STX8: variants seen among roughly 807,000 people sequenced by gnomAD.
STX8 encodes syntaxin 8.
In STX8, 23 loss-of-function variants were observed where a neutral mutation model predicts 37.5. The observed-to-expected ratio is 0.61, with a 90% CI of 0.44 to 0.87. STX8 has a LOEUF of 0.87. Among genes scored for constraint, STX8 ranks in the 40% least tolerant of loss-of-function variants. The pLI, the probability that STX8 is intolerant of heterozygous loss-of-function variation, is 0.00. For synonymous variants in STX8, 115 were observed against 99.1 expected, an observed-to-expected ratio of 1.16 and a Z score of -0.95; for missense variants, 313 against 284.7, an observed-to-expected ratio of 1.10 and a Z score of -0.71.
In STX8 at chr17:9,562,287, C is replaced by T. The variant is rs1268175975; in HGVS notation, c.118-4759G>A. On this transcript the variant is annotated intron_variant, in intron 2 of 7. Coordinates refer to ENST00000306357, the MANE Select transcript of STX8 (RefSeq NM_004853.3). ...CGGGCATGGTGGCGGGCGCCTGTAG[C>T]CCCAGCTACTTGGGAGGCTGAGGCA... is the stretch of plus-strand genomic sequence containing the variant. Among the ~76,000 whole-genome samples the T allele has an allele frequency of 5.3e-5, 8 of 151,644 alleles. No individual in the cohort carries two copies. In the East Asian group the frequency reaches 9.7e-4, roughly 18 times the overall value.
intron 5 of STX8, among the ~76,000 whole-genome samples, chr17:9,500,991 T>C (rs957146884): frequency 8.6e-5 from 13 of 151,830 alleles, no homozygotes; most frequent in African/African-American, 3.1e-4. Context: ...GGTCACAGAG[T>C]GAGACTGTCT....
At chr17:9,489,252 G>A (rs2142471577) in intron 6 of STX8, among the ~76,000 whole-genome samples, 1 of 152,040 alleles carries the variant, frequency 6.6e-6, no homozygotes, top group African/African-American at 2.4e-5. Flanking sequence ...TTCAACCTGA[G>A]GAAGCTAATT....
At chr17:9,337,577 G>T (rs1167830572) in intron 7 of STX8, among the ~76,000 whole-genome samples, 1 of 152,130 alleles carries the variant, frequency 6.6e-6, no homozygotes, top group African/African-American at 2.4e-5. Context: ...ATGTTGGGCA[G>T]GCTGATCTCG....
At chr17:9,513,471 A>G (rs968790754) in intron 4 of STX8, among the ~76,000 whole-genome samples, 1 of 152,244 alleles carries the variant, frequency 6.6e-6, no homozygotes, top group Non-Finnish European at 1.5e-5. Context: ...CCAAATCACA[A>G]TGAGGTATCA....
At chr17:9,518,299 C>A (rs1004032473) in intron 4 of STX8, among the ~76,000 whole-genome samples, 1 of 141,972 alleles carries the variant, frequency 7.0e-6, no homozygotes, top group Non-Finnish European at 1.5e-5. Flanking sequence ...CAGGTCTTAC[C>A]AGACCCCTCC....
At chr17:9,280,755 A>T (rs369349986) in intron 7 of STX8, among the ~76,000 whole-genome samples, 1 of 152,214 alleles carries the variant, frequency 6.6e-6, no homozygotes, top group East Asian at 1.9e-4. Context: ...TAATATAAAC[A>T]TTTAACTCAA....
intron 6 of STX8, among the ~76,000 whole-genome samples, chr17:9,475,644 C>A (rs968417013): frequency 6.6e-6 from 1 of 152,134 alleles, no homozygotes; most frequent in South Asian, 2.1e-4. Flanking sequence ...CAAAGAAGAG[C>A]CTCTAGGATA....
intron 7 of STX8, among the ~76,000 whole-genome samples, chr17:9,350,856 T>C (rs1910683490): frequency 6.6e-6 from 1 of 152,140 alleles, no homozygotes; most frequent in African/African-American, 2.4e-5. Context: ...TCTTTTAAAA[T>C]CTTCCTATCT....
At chr17:9,472,476 T>C (rs1431805575) in intron 6 of STX8, among the ~76,000 whole-genome samples, 1 of 152,214 alleles carries the variant, frequency 6.6e-6, no homozygotes. Context: ...GAGACCAAGA[T>C]TCCCCTTCCT....
chr17:9,289,612 TA>T (rs200727934), intron 7 of STX8, among the ~76,000 whole-genome samples: 28 of 141,298 alleles, frequency 2.0e-4, no homozygotes, highest in African/African-American at 2.8e-4. Context: ...CCATCTCTAC[TA>T]AAAAAAAAAA....
chr17:9,556,844 G>C (rs2151915292), intron 3 of STX8: 1 of 145,508 alleles, frequency 6.9e-6, no homozygotes, highest in East Asian at 2.0e-4. Flanking sequence ...AGGAGGTTAA[G>C]ATGATGGCAT....
At chr17:9,308,117 T>A (rs1181486566) in intron 7 of STX8, among the ~76,000 whole-genome samples, 1 of 152,208 alleles carries the variant, frequency 6.6e-6, no homozygotes, top group African/African-American at 2.4e-5. Context: ...ATGCTTAGAT[T>A]CAATGAAGAG....
chr17:9,447,719 G>A (rs920423415), intron 6 of STX8, among the ~76,000 whole-genome samples: 11 of 151,738 alleles, frequency 7.2e-5, no homozygotes, highest in East Asian at 2.0e-4. Context: ...CACCACACCC[G>A]GCCTTGAGAA....
chr17:9,365,602 A>T (rs912842375), intron 7 of STX8, among the ~76,000 whole-genome samples: 1 of 152,254 alleles, frequency 6.6e-6, no homozygotes, highest in Non-Finnish European at 1.5e-5. Context: ...AAGTTAAATT[A>T]AAAAAGCAGA....
At chr17:9,332,549 C>T (rs1258259628) in intron 7 of STX8, among the ~76,000 whole-genome samples, 1 of 152,154 alleles carries the variant, frequency 6.6e-6, no homozygotes, top group Non-Finnish European at 1.5e-5. Flanking sequence ...TATAATTCAT[C>T]CAAATGGAGC....
At chr17:9,384,970 G>T (rs1281037050) in intron 6 of STX8, among the ~76,000 whole-genome samples, 1 of 150,660 alleles carries the variant, frequency 6.6e-6, no homozygotes, top group Admixed American at 6.6e-5. Flanking sequence ...AATTGTGATG[G>T]TTCATAGACT....
At position 9,324,124 on chromosome 17, in the gene STX8, TCTCACA is replaced by T. The variant is rs775986210; in HGVS notation, c.643+54422_643+54427del. On this transcript the variant is annotated intron_variant, in intron 7 of 7. Coordinates refer to ENST00000306357, the MANE Select transcript of STX8 (RefSeq NM_004853.3). The stretch of plus-strand genomic sequence containing the variant: ...CTCTCTCTCTGTCTCTCTCTCTCTC[TCTCACA>T]CACACACACACACACACACACACAC... Among the ~76,000 whole-genome samples, 154 of 134,226 alleles carry T rather than the reference TCTCACA, an allele frequency of 1.1e-3. 1 individual carries two copies. Among genetic ancestry groups the T allele is most frequent in the Middle Eastern group, 3.6e-3 (1 of 276 alleles). 88.1% of individuals were successfully genotyped at this position (134,226 alleles called of 152,430 possible).
rs540768749 is a variant in STX8, at chr17:9,441,475, G to A, written c.541+50354C>T. On this transcript the variant is annotated intron_variant, in intron 6 of 7. Transcript: ENST00000306357. ...ACTGCACTCCAACCTGGCACAGAGC[G>A]AGACTCCATCTAAAAAAAAAAAAAA... 3.5e-5 allele frequency among the ~76,000 whole-genome samples: 5 copies of A among 144,004 alleles called. No individual in the cohort carries two copies. In the South Asian group the frequency reaches 6.8e-4, roughly 20 times the overall value. The allele number at this position is 144,004 out of a possible 152,430, so 94.5% of individuals were successfully genotyped here. A position where few individuals can be genotyped will look rare whatever the true frequency, so the allele number is the denominator to read the frequency against.
At chr17:9,304,979 G>A (rs747854844) in intron 7 of STX8, among the ~76,000 whole-genome samples, 2 of 151,306 alleles carry the variant, frequency 1.3e-5, no homozygotes, top group East Asian at 3.9e-4. Context: ...TTGGCTTAAC[G>A]ACTTTTTCAC....
Sources: allele counts gnomAD v4.1 joint callset (sites outside exome capture counted in the v4.1 genomes callset), GRCh38; gene constraint gnomAD v4.1.1; transcripts MANE v1.5; gene names NCBI Gene and HGNC (gene_info 2026-07-23, HGNC 2026-07-21).